TRPM8: variants seen among roughly 807,000 people sequenced by gnomAD.
The protein encoded by TRPM8 is transient receptor potential cation channel subfamily M member 8.
A neutral mutation model predicts 133.7 loss-of-function variants in TRPM8; 110 were observed. That is an observed-to-expected ratio of 0.82 (90% confidence interval 0.70 to 0.96). TRPM8 has a LOEUF of 0.96. Ranked by LOEUF, TRPM8 falls within the 40% of genes least tolerant of loss-of-function variation. TRPM8 has a pLI of 0.00. For synonymous variants in TRPM8, 535 were observed against 532.3 expected, an observed-to-expected ratio of 1.01 and a Z score of -0.07; for missense variants, 1,291 against 1,379.5, an observed-to-expected ratio of 0.94 and a Z score of 1.02.
chr2:234,002,331 C>T (rs920542281), intron 22 of TRPM8, among the ~76,000 whole-genome samples: 1 of 151,968 alleles, frequency 6.6e-6, no homozygotes, highest in African/African-American at 2.4e-5. Flanking sequence ...ATCCTACAGT[C>T]ACATTTTAGC....
rs141865492 is a variant in TRPM8 at position 233,963,306 on chromosome 2, C to T, written c.1678C>T (p.Pro560Ser). The T allele has an allele frequency of 4.3e-6, 7 of 1,613,040 alleles. No homozygotes were observed. In the African/African-American group the frequency reaches 9.3e-5, roughly 22 times the overall value. ...LHDVSPITRH[P>S]LQALFIWAIL... ...GGACGTGTCTCCTATTACTCGGCAC[C>T]CCCTGCAAGCTCTCTTCATCTGGGC... The change falls in exon 13 of 26, where the codon CCC becomes TCC. Residue 560 changes from proline (P) to serine (S), a missense_variant. Physicochemically the swap from Pro to Ser is moderately conservative, Grantham distance 74. Transcript: ENST00000324695.
chr2:233,980,680 A>G (rs1178576801), intron 18 of TRPM8, among the ~76,000 whole-genome samples: 1 of 152,184 alleles, frequency 6.6e-6, no homozygotes, highest in African/African-American at 2.4e-5. Flanking sequence ...GGGGAGAAAT[A>G]AATAGAAATT....
At chr2:233,978,308 C>T (rs1248116729) in intron 17 of TRPM8, among the ~76,000 whole-genome samples, 1 of 151,548 alleles carries the variant, frequency 6.6e-6, no homozygotes, top group Non-Finnish European at 1.5e-5. Flanking sequence ...ACTCTAAAGA[C>T]AAGGCCTCTC....
At chr2:233,945,307 A>C (rs1336674388) in intron 6 of TRPM8, among the ~76,000 whole-genome samples, 3 of 152,166 alleles carry the variant, frequency 2.0e-5, no homozygotes, top group South Asian at 2.1e-4. Flanking sequence ...TTGGGAACAA[A>C]GTATCCATTT....
chr2:233,926,690 A>G (rs1295514769), intron 2 of TRPM8, 36 bp downstream of exon 2: 4 of 1,516,202 alleles, frequency 2.6e-6, no homozygotes, highest in Non-Finnish European at 3.7e-6. Context: ...AAAGGTTATC[A>G]TTGTAACCTT....
At chr2:233,997,351 A>T (rs77242780) in intron 22 of TRPM8, among the ~76,000 whole-genome samples, 3,399 of 151,664 alleles carry the variant, frequency 0.022, 104 homozygotes, top group African/African-American at 0.072. Flanking sequence ...CAGAGGTGAG[A>T]CTCCTCCTCC....
At chr2:233,934,238 G>A (rs954166512) in intron 3 of TRPM8, among the ~76,000 whole-genome samples, 2 of 152,276 alleles carry the variant, frequency 1.3e-5, no homozygotes, top group South Asian at 2.1e-4. Flanking sequence ...CCCTCTGCCC[G>A]TTCCTGCCTC....
At chr2:233,963,427 T>C (rs1429181946) in intron 13 of TRPM8, 50 bp downstream of exon 13, 4 of 1,189,952 alleles carry the variant, frequency 3.4e-6, no homozygotes, top group Non-Finnish European at 3.7e-6. Context: ...TGCTTTGTTA[T>C]AACAGTTCTG....
intron 24 of TRPM8, chr2:234,013,237 A>G (rs188964438): frequency 1.3e-5 from 2 of 152,330 alleles, no homozygotes; most frequent in Admixed American, 6.5e-5. Flanking sequence ...CCAGTAAGCC[A>G]TCTGATTTCC....
At chr2:233,938,851 A>AC (rs1415200831) in intron 4 of TRPM8, 147 bp from the exon 5 acceptor site, 2 of 800,002 alleles carry the variant, frequency 2.5e-6, no homozygotes, top group African/African-American at 1.7e-5. Context: ...CCCGCCTGGG[A>AC]CCCCCAATGC....
chr2:233,959,408 C>A (rs1272626378), intron 11 of TRPM8, among the ~76,000 whole-genome samples: 1 of 147,008 alleles, frequency 6.8e-6, no homozygotes, highest in Non-Finnish European at 1.5e-5. Flanking sequence ...CTCACTGCAA[C>A]CTCTGCCTCC....
chr2:233,960,290 T>A (rs1288137139), intron 11 of TRPM8, among the ~76,000 whole-genome samples: 1 of 152,312 alleles, frequency 6.6e-6, no homozygotes, highest in African/African-American at 2.4e-5. Flanking sequence ...TTCCTGGGCA[T>A]CTGTGAAGGG....
intron 6 of TRPM8, chr2:233,942,971 T>C: frequency 1.6e-6 from 1 of 609,052 alleles, no homozygotes; most frequent in Non-Finnish European, 2.9e-6. Flanking sequence ...TTCATTAAAA[T>C]GTGTTCTCAG....
At chr2:233,949,563 A>T (rs757645545) in intron 8 of TRPM8, among the ~76,000 whole-genome samples, 15 of 152,224 alleles carry the variant, frequency 9.9e-5, no homozygotes, top group Non-Finnish European at 1.9e-4. Flanking sequence ...GTTACTACTA[A>T]CCTGTTTCAG....
At chr2:233,986,069 C>T (rs1692142169) in intron 21 of TRPM8, among the ~76,000 whole-genome samples, 1 of 152,228 alleles carries the variant, frequency 6.6e-6, no homozygotes, top group African/African-American at 2.4e-5. Context: ...TTATTTGACA[C>T]TGAAGACAAG....
At chr2:233,955,515 G>T in intron 11 of TRPM8, 1 of 268,280 alleles carries the variant, frequency 3.7e-6, no homozygotes, top group Non-Finnish European at 7.1e-6. Context: ...TGCAAAGTGA[G>T]GGTGATTCTC....
chr2:233,991,542 T>A (rs1692278072), intron 21 of TRPM8, among the ~76,000 whole-genome samples: 1 of 152,226 alleles, frequency 6.6e-6, no homozygotes, highest in Non-Finnish European at 1.5e-5. Flanking sequence ...GGAAAATCCA[T>A]GAAATCTACG....
chr2:233,991,760 A>T (rs1431883156), intron 21 of TRPM8, among the ~76,000 whole-genome samples: 1 of 151,964 alleles, frequency 6.6e-6, no homozygotes, highest in Non-Finnish European at 1.5e-5. Context: ...TTTTTCTTTT[A>T]GGCGTTCTAA....
chr2:233,998,542 A>G (rs185466386), intron 22 of TRPM8, among the ~76,000 whole-genome samples: 2 of 151,012 alleles, frequency 1.3e-5, no homozygotes, highest in Non-Finnish European at 3.0e-5. Flanking sequence ...GGGTGAGCAG[A>G]TTGTACCCAG....
Sources: allele counts gnomAD v4.1 joint callset (sites outside exome capture counted in the v4.1 genomes callset), GRCh38; gene constraint gnomAD v4.1.1; transcripts MANE v1.5; gene names NCBI Gene and HGNC (gene_info 2026-07-23, HGNC 2026-07-21).